The following SMIM3 variants were observed in gnomAD, a reference collection of about 807,000 sequenced individuals.
SMIM3 encodes the protein small integral membrane protein 3, also known as NGF-induced differentiation clone 67 protein.
A neutral mutation model predicts 2.1 loss-of-function variants in SMIM3; 4 were observed. The ratio of observed to expected loss-of-function variants is 1.89; its 90% CI spans 0.93 to 4.31. The LOEUF (loss-of-function observed/expected upper bound fraction) is 4.31, where lower values mean the gene tolerates loss of function less well. Ranked by LOEUF, SMIM3 falls within the 30% of genes most tolerant of loss-of-function variation. SMIM3 has a pLI of 0.01. For missense variants in SMIM3, 79 were observed against 77.7 expected (o/e 1.02, Z -0.06); for synonymous variants, 29 against 30.8 (o/e 0.94, Z 0.19).
In SMIM3 at chr5:150,795,389, G is replaced by C. The variant is rs745518564; in HGVS notation, c.-11-41G>C. The C allele has an allele frequency of 3.7e-6, 6 of 1,603,236 alleles. No individual in the cohort carries two copies. In the African/African-American group the frequency reaches 6.7e-5, roughly 18 times the overall value. ...TTCCTTCTAACCAGGGAGGCAGGGAGAGAGTACGCAACAGTGATCTTCCTT... is the reference window on the plus strand; with the variant it reads ...TTCCTTCTAACCAGGGAGGCAGGGACAGAGTACGCAACAGTGATCTTCCTT... On this transcript the variant is annotated intron_variant, in intron 1 of 1. Transcript: ENST00000526627.
chr5:150,780,610 A>G (rs572744892), intron 1 of SMIM3, among the ~76,000 whole-genome samples: 1 of 152,006 alleles, frequency 6.6e-6, no homozygotes, highest in Non-Finnish European at 1.5e-5. Flanking sequence ...GGTGTTAGAG[A>G]TGCAAAACAA....
At chr5:150,779,609 TC>T (rs1468518679) in intron 1 of SMIM3, among the ~76,000 whole-genome samples, 5 of 152,160 alleles carry the variant, frequency 3.3e-5, no homozygotes, top group African/African-American at 1.2e-4. Flanking sequence ...AGAGAAGGCT[TC>T]CTTCAAGCTC....
intron 1 of SMIM3, among the ~76,000 whole-genome samples, chr5:150,789,611 G>A (rs1381630485): frequency 2.0e-5 from 3 of 152,264 alleles, no homozygotes; most frequent in South Asian, 4.1e-4. Context: ...CCAGGGGGTC[G>A]AGGGGAAACT....
At chr5:150,788,553 G>C (rs1421296140) in intron 1 of SMIM3, among the ~76,000 whole-genome samples, 3 of 149,038 alleles carry the variant, frequency 2.0e-5, no homozygotes, top group African/African-American at 7.5e-5. Flanking sequence ...AGGTTTGCTT[G>C]AACCTGGGAG....
chr5:150,786,030 CT>C (rs1753289247), intron 1 of SMIM3, among the ~76,000 whole-genome samples: 1 of 152,210 alleles, frequency 6.6e-6, no homozygotes, highest in East Asian at 1.9e-4. Flanking sequence ...TTCATTCTTT[CT>C]TTTCTCCTTC....
intron 1 of SMIM3, among the ~76,000 whole-genome samples, chr5:150,779,989 T>C (rs1043493157): frequency 5.3e-5 from 8 of 152,094 alleles, no homozygotes; most frequent in Non-Finnish European, 8.8e-5. Context: ...TCATCTGTGG[T>C]GAATACTAAG....
At chr5:150,789,195 A>G (rs1753323603) in intron 1 of SMIM3, among the ~76,000 whole-genome samples, 1 of 152,242 alleles carries the variant, frequency 6.6e-6, no homozygotes, top group Non-Finnish European at 1.5e-5. Flanking sequence ...TATGACTATT[A>G]TATTAGACAT....
intron 1 of SMIM3, among the ~76,000 whole-genome samples, chr5:150,780,827 G>A (rs920066832): frequency 1.3e-5 from 2 of 152,086 alleles, no homozygotes; most frequent in Non-Finnish European, 2.9e-5. Context: ...TGGGTGTGGC[G>A]GTGGTATAAA....
At chr5:150,792,517 T>C (rs1753359123) in intron 1 of SMIM3, among the ~76,000 whole-genome samples, 1 of 152,234 alleles carries the variant, frequency 6.6e-6, no homozygotes, top group Non-Finnish European at 1.5e-5. Context: ...TTTGTTAATG[T>C]TATAATTTAT....
chr5:150,786,890 C>T (rs1490460411), intron 1 of SMIM3, among the ~76,000 whole-genome samples: 4 of 152,132 alleles, frequency 2.6e-5, no homozygotes, highest in African/African-American at 7.2e-5. Context: ...ATGATATTGC[C>T]TCCAGAGAGG....
At chr5:150,790,795 T>G (rs1408985061) in intron 1 of SMIM3, among the ~76,000 whole-genome samples, 1 of 152,200 alleles carries the variant, frequency 6.6e-6, no homozygotes, top group African/African-American at 2.4e-5. Flanking sequence ...TCAGTATGTA[T>G]GGATTGAGAC....
At chr5:150,791,187 A>G (rs891041265) in intron 1 of SMIM3, among the ~76,000 whole-genome samples, 1 of 152,134 alleles carries the variant, frequency 6.6e-6, no homozygotes, top group African/African-American at 2.4e-5. Flanking sequence ...ATCCTCGCCT[A>G]TTTCCCTACT....
At position 150,795,541 on chromosome 5, in the gene SMIM3, T is replaced by C. The variant is rs763263296; in HGVS notation, c.101T>C (p.Met34Thr). ...VLIILATIVI[M>T]TSLLLCPATA... ...ATCATCCTGGCCACCATTGTCATCA[T>C]GACCTCGTTGTTGCTGTGCCCAGCC... is the stretch of plus-strand genomic sequence containing the variant. The change falls in exon 2 of 2, where the codon ATG (methionine) becomes ACG (threonine). Residue 34 changes from methionine (M) to threonine (T), a missense_variant. Met to Thr is a moderately conservative substitution (Grantham distance 81). Transcript: ENST00000526627. 7.4e-6 allele frequency: 12 copies of C among 1,610,748 alleles called. No homozygotes were observed. The highest frequency in any genetic ancestry group is 6.7e-5 in the Admixed American group (4 of 59,828).
In SMIM3 at chr5:150,789,205, T is replaced by C. The variant is rs912038672; in HGVS notation, c.-11-6225T>C. 4.6e-5 allele frequency among the ~76,000 whole-genome samples: 7 copies of C among 152,212 alleles called. 1 individual carries two copies. The highest frequency in any genetic ancestry group is 1.7e-4 in the African/African-American group (7 of 41,458). ...TAATCTATGACTATTATATTAGACA[T>C]ACCAAGAAACAAGGTTTTATGCACT... On this transcript the variant is annotated intron_variant, in intron 1 of 1. Transcript: ENST00000526627.
intron 1 of SMIM3, among the ~76,000 whole-genome samples, chr5:150,788,782 A>T (rs1753319155): frequency 6.6e-6 from 1 of 152,088 alleles, no homozygotes; most frequent in South Asian, 2.1e-4. Context: ...GAATTGGCTA[A>T]GTTACTTAAC....
intron 1 of SMIM3, among the ~76,000 whole-genome samples, chr5:150,792,394 G>C (rs1476628636): frequency 6.6e-6 from 1 of 152,172 alleles, no homozygotes; most frequent in Non-Finnish European, 1.5e-5. Context: ...GAGTGCTGCA[G>C]GATGTTTAAG....
intron 1 of SMIM3, among the ~76,000 whole-genome samples, chr5:150,793,475 C>T (rs552548202): frequency 6.6e-6 from 1 of 152,252 alleles, no homozygotes; most frequent in Non-Finnish European, 1.5e-5. Flanking sequence ...AAAATAGGCA[C>T]ATAGACTAAT....
At chr5:150,794,598 A>G (rs1401728538) in intron 1 of SMIM3, among the ~76,000 whole-genome samples, 1 of 152,188 alleles carries the variant, frequency 6.6e-6, no homozygotes, top group Non-Finnish European at 1.5e-5. Flanking sequence ...GTTCTCACTG[A>G]TATGTGGGAG....
intron 1 of SMIM3, among the ~76,000 whole-genome samples, chr5:150,780,079 T>A (rs776066915): frequency 3.0e-4 from 45 of 152,170 alleles, no homozygotes; most frequent in Non-Finnish European, 6.0e-4. Context: ...TCTGCTATGA[T>A]GCGTGCTGCT....
Sources: gnomAD v4.1 joint callset for allele counts (sites outside exome capture counted in the v4.1 genomes callset) on GRCh38, gnomAD v4.1.1 for gene constraint, MANE v1.5 for transcripts, NCBI Gene and HGNC (gene_info 2026-07-23, HGNC 2026-07-21) for gene names.